CDK14: variants seen among roughly 807,000 people sequenced by gnomAD.
CDK14 encodes the protein cyclin dependent kinase 14.
In CDK14, 34 loss-of-function variants were observed where a neutral mutation model predicts 60.7. The ratio of observed to expected loss-of-function variants is 0.56; its 90% CI spans 0.43 to 0.75. The LOEUF is 0.75. CDK14 is among the 30% of genes least tolerant of loss of function. The pLI is 0.00. For synonymous variants in CDK14, 197 were observed against 203.7 expected (o/e 0.97, Z 0.28); for missense variants, 482 against 564.1 (o/e 0.85, Z 1.47).
chr7:90,931,423 A>G (rs1793587837), intron 8 of CDK14, among the ~76,000 whole-genome samples: 1 of 152,236 alleles, frequency 6.6e-6, no homozygotes, highest in Non-Finnish European at 1.5e-5. Flanking sequence ...AAGACATTAA[A>G]AAACAAAAAC....
chr7:91,064,070 A>G (rs1338324487), intron 11 of CDK14, among the ~76,000 whole-genome samples: 1 of 152,208 alleles, frequency 6.6e-6, no homozygotes, highest in Non-Finnish European at 1.5e-5. Flanking sequence ...TGAAAGACAT[A>G]TGTTTATCAT....
At chr7:90,736,314 C>G (rs1803104668) in intron 3 of CDK14, among the ~76,000 whole-genome samples, 1 of 145,546 alleles carries the variant, frequency 6.9e-6, no homozygotes, top group African/African-American at 2.6e-5. Context: ...GTTCTCTCCC[C>G]TGTTGTGATA....
At chr7:90,812,503 A>C (rs1249702624) in intron 5 of CDK14, among the ~76,000 whole-genome samples, 1 of 152,132 alleles carries the variant, frequency 6.6e-6, no homozygotes, top group East Asian at 1.9e-4. Context: ...GCATTAGGAG[A>C]TATACCTAAT....
At chr7:90,914,723 T>A (rs1352960315) in intron 7 of CDK14, among the ~76,000 whole-genome samples, 2 of 152,158 alleles carry the variant, frequency 1.3e-5, no homozygotes, top group Non-Finnish European at 2.9e-5. Flanking sequence ...AGCGTGAGGA[T>A]TATATATTTT....
intron 2 of CDK14, among the ~76,000 whole-genome samples, chr7:90,698,161 CTACTTGATGTTT>C (rs1801706926): frequency 6.7e-6 from 1 of 150,268 alleles, no homozygotes; most frequent in Admixed American, 6.6e-5. Context: ...CTGATTCGTG[CTACTTGATGTTT>C]TACTTGATGT....
intron 6 of CDK14, among the ~76,000 whole-genome samples, chr7:90,887,119 G>T (rs1257991165): frequency 6.6e-6 from 1 of 152,082 alleles, no homozygotes; most frequent in Non-Finnish European, 1.5e-5. Context: ...TTTGTTTGCT[G>T]TTAAGAGAGC....
At chr7:91,025,575 T>C (rs1796546289) in intron 10 of CDK14, among the ~76,000 whole-genome samples, 1 of 152,208 alleles carries the variant, frequency 6.6e-6, no homozygotes, top group Non-Finnish European at 1.5e-5. Flanking sequence ...TAATGTATTA[T>C]AGGTGGCCTT....
At chr7:91,205,678 A>G (rs928013400) in intron 14 of CDK14, among the ~76,000 whole-genome samples, 5 of 152,256 alleles carry the variant, frequency 3.3e-5, no homozygotes, top group African/African-American at 9.6e-5. Flanking sequence ...TAAATGATTA[A>G]TTTTTTATAT....
chr7:90,667,844 C>T (rs1801017212), intron 2 of CDK14, among the ~76,000 whole-genome samples: 1 of 152,194 alleles, frequency 6.6e-6, no homozygotes, highest in Non-Finnish European at 1.5e-5. Context: ...GCTGGGATTA[C>T]AGGCGTGAGC....
intron 14 of CDK14, among the ~76,000 whole-genome samples, chr7:91,199,470 A>G (rs1802650594): frequency 6.6e-6 from 1 of 152,212 alleles, no homozygotes; most frequent in Non-Finnish European, 1.5e-5. Context: ...TGTATCTAAA[A>G]TATGACCAGT....
intron 5 of CDK14, among the ~76,000 whole-genome samples, chr7:90,819,055 A>G (rs1223547268): frequency 6.6e-6 from 1 of 152,084 alleles, no homozygotes; most frequent in African/African-American, 2.4e-5. Context: ...TTTGGGCTTC[A>G]TGAAGCATCT....
chr7:90,826,342 G>T (rs575528850), intron 5 of CDK14, among the ~76,000 whole-genome samples: 7 of 152,086 alleles, frequency 4.6e-5, no homozygotes, highest in East Asian at 3.9e-4. Context: ...CCTCAGCCTT[G>T]TGAGTAGCTG....
At chr7:90,917,312 A>G (rs1370834829) in intron 7 of CDK14, among the ~76,000 whole-genome samples, 1 of 152,158 alleles carries the variant, frequency 6.6e-6, no homozygotes, top group Admixed American at 6.5e-5. Flanking sequence ...AAAAAAATTG[A>G]TTATTTACAT....
At chr7:91,109,016 T>C (rs958667572) in intron 12 of CDK14, among the ~76,000 whole-genome samples, 1 of 152,176 alleles carries the variant, frequency 6.6e-6, no homozygotes, top group African/African-American at 2.4e-5. Context: ...TGCCTTATGA[T>C]GGTAGCTGAA....
At chr7:91,170,483 T>C (rs550788035) in intron 14 of CDK14, among the ~76,000 whole-genome samples, 9 of 152,300 alleles carry the variant, frequency 5.9e-5, no homozygotes, top group Admixed American at 5.2e-4. Context: ...TTGCATGGGT[T>C]ACCATTATTA....
At chr7:90,833,041 G>T (rs965568333) in intron 5 of CDK14, among the ~76,000 whole-genome samples, 1 of 152,154 alleles carries the variant, frequency 6.6e-6, no homozygotes, top group Non-Finnish European at 1.5e-5. Context: ...GTTTGCCATT[G>T]TCTTTTCTTT....
intron 11 of CDK14, among the ~76,000 whole-genome samples, chr7:91,057,292 A>T (rs1797604239): frequency 1.3e-5 from 2 of 152,014 alleles, no homozygotes; most frequent in Admixed American, 6.6e-5. Flanking sequence ...TTCATTGTAG[A>T]TTCTGGATAT....
In CDK14 at chr7:90,650,864, G is replaced by C. The variant is rs537725890; in HGVS notation, c.123+46615G>C. Among the ~76,000 whole-genome samples the C allele has an allele frequency of 4.6e-4, 70 of 152,278 alleles. No individual in the cohort carries two copies. The South Asian group carries it at 0.014, about 30-fold the overall frequency. On this transcript the variant is annotated intron_variant, in intron 2 of 14. Transcript: ENST00000380050. ...TATGCTGTTTTGTTACTGTAGCCTT[G>C]TAGTATAGTTTGAAGTCAGGTATTG...
chr7:90,968,124 T>C (rs1794811049), intron 9 of CDK14, among the ~76,000 whole-genome samples: 1 of 152,238 alleles, frequency 6.6e-6, no homozygotes, highest in Non-Finnish European at 1.5e-5. Flanking sequence ...GCTGTATGAA[T>C]TACTATAAGT....
Sources: allele counts gnomAD v4.1 joint callset (sites outside exome capture counted in the v4.1 genomes callset), GRCh38; gene constraint gnomAD v4.1.1; transcripts MANE v1.5; gene names NCBI Gene and HGNC (gene_info 2026-07-23, HGNC 2026-07-21).